F13A1: variants seen among roughly 807,000 people sequenced by gnomAD.
F13A1 encodes the protein FSF, A subunit.
Under a neutral mutation model 80.1 loss-of-function variants are expected in F13A1, and 47 were observed. The observed-to-expected ratio is 0.59, with a 90% confidence interval of 0.46 to 0.75. F13A1 has a LOEUF of 0.75. Among genes scored for constraint, F13A1 ranks in the 30% least tolerant of loss-of-function variants. F13A1 has a pLI of 0.00. For synonymous variants in F13A1, 349 were observed against 344.9 expected (o/e 1.01, Z -0.13); for missense variants, 817 against 930.4 (o/e 0.88, Z 1.59).
chr6:6,283,150 T>G (rs1212119053), intron 3 of F13A1, among the ~76,000 whole-genome samples: 2 of 152,204 alleles, frequency 1.3e-5, no homozygotes, highest in Non-Finnish European at 2.9e-5. Context: ...GACTTGATTT[T>G]AACATCAAGT....
At chr6:6,312,731 T>G (rs1336939554) in intron 2 of F13A1, among the ~76,000 whole-genome samples, 1 of 69,808 alleles carries the variant, frequency 1.4e-5, no homozygotes, top group Non-Finnish European at 2.7e-5. Flanking sequence ...AGAAAGACAT[T>G]TCATAAAAAA....
chr6:6,219,120 G>C (rs143805048), intron 8 of F13A1, among the ~76,000 whole-genome samples: 3 of 152,144 alleles, frequency 2.0e-5, no homozygotes, highest in African/African-American at 7.2e-5. Flanking sequence ...AACCAACCAG[G>C]AGCGGGGAAG....
intron 6 of F13A1, among the ~76,000 whole-genome samples, chr6:6,236,508 A>G (rs1757415635): frequency 6.6e-6 from 1 of 152,096 alleles, no homozygotes; most frequent in Non-Finnish European, 1.5e-5. Flanking sequence ...AAAATAAAGA[A>G]ATGTGACATT....
intron 8 of F13A1, among the ~76,000 whole-genome samples, chr6:6,198,750 A>C (rs541899735): frequency 4.6e-5 from 7 of 152,226 alleles, no homozygotes; most frequent in African/African-American, 1.7e-4. Context: ...AAGCTAATAC[A>C]TGTATTTCGA....
At chr6:6,226,609 A>G (rs546723105) in intron 6 of F13A1, among the ~76,000 whole-genome samples, 6 of 152,236 alleles carry the variant, frequency 3.9e-5, no homozygotes, top group Admixed American at 1.3e-4. Context: ...TGCTGTGTCT[A>G]GTTGTAGAGA....
At chr6:6,265,751 C>T (rs1442083902) in intron 4 of F13A1, among the ~76,000 whole-genome samples, 1 of 152,204 alleles carries the variant, frequency 6.6e-6, no homozygotes, top group Admixed American at 6.5e-5. Flanking sequence ...TTTAGATATA[C>T]AGACTTTCTG....
chr6:6,155,283 C>CATAG (rs1760453345), intron 13 of F13A1, among the ~76,000 whole-genome samples: 1 of 152,170 alleles, frequency 6.6e-6, no homozygotes, highest in Non-Finnish European at 1.5e-5. Flanking sequence ...ATTGGGCCAT[C>CATAG]ATAGATAGGC....
intron 8 of F13A1, among the ~76,000 whole-genome samples, chr6:6,207,384 T>A (rs1321262124): frequency 1.3e-5 from 2 of 152,200 alleles, no homozygotes; most frequent in African/African-American, 4.8e-5. Context: ...GCCCTATTCA[T>A]ATAATGTATA....
At chr6:6,227,208 A>G (rs1195271277) in intron 6 of F13A1, among the ~76,000 whole-genome samples, 1 of 152,242 alleles carries the variant, frequency 6.6e-6, no homozygotes, top group Non-Finnish European at 1.5e-5. Context: ...GGTATTTCCC[A>G]AGGAGGGTCC....
At chr6:6,242,147 C>T (rs1256494434) in intron 6 of F13A1, among the ~76,000 whole-genome samples, 1 of 152,196 alleles carries the variant, frequency 6.6e-6, no homozygotes, top group African/African-American at 2.4e-5. Context: ...TGTAGGATCA[C>T]AGATGCATGA....
At chr6:6,319,427 A>C (rs890443139) in intron 1 of F13A1, among the ~76,000 whole-genome samples, 2 of 152,188 alleles carry the variant, frequency 1.3e-5, no homozygotes, top group African/African-American at 4.8e-5. Flanking sequence ...AGGCTTAAGA[A>C]GTCAGGGTTG....
Position 6,250,948 on chromosome 6 carries a change from A to T in F13A1, c.572-19T>A. 6.6e-7 allele frequency: 1 copy of T among 1,505,030 alleles called. No individual in the cohort carries two copies. The highest frequency in any genetic ancestry group is 1.1e-5 in the South Asian group (1 of 89,034). 93.2% of individuals were successfully genotyped at this position (1,505,030 alleles called of 1,614,324 possible). On this transcript the variant is annotated intron_variant, in intron 4 of 14. Transcript: ENST00000264870. The surrounding 1 kb of genome is among the most constrained non-coding windows in gnomAD (Gnocchi z 4.2). ...GCATCATCTGCATCAGGGTTTAAAC[A>T]TAGTGACTATTACCAAACCAGACTG...
chr6:6,184,805 A>G (rs1761049638), intron 10 of F13A1, among the ~76,000 whole-genome samples: 1 of 152,202 alleles, frequency 6.6e-6, no homozygotes, highest in Non-Finnish European at 1.5e-5. Context: ...ACAGACCAAC[A>G]GCACTGTCCT....
At chr6:6,294,597 T>A (rs1177306817) in intron 3 of F13A1, among the ~76,000 whole-genome samples, 2 of 151,814 alleles carry the variant, frequency 1.3e-5, no homozygotes, top group Non-Finnish European at 2.9e-5. Flanking sequence ...CATATATATA[T>A]CCTATTAGGT....
chr6:6,233,652 A>T (rs1757379416), intron 6 of F13A1, among the ~76,000 whole-genome samples: 1 of 152,100 alleles, frequency 6.6e-6, no homozygotes, highest in Non-Finnish European at 1.5e-5. Flanking sequence ...CCAAAAAAGG[A>T]AACTACAGAC....
At chr6:6,218,406 C>T (rs142681557) in intron 8 of F13A1, among the ~76,000 whole-genome samples, 1 of 152,322 alleles carries the variant, frequency 6.6e-6, no homozygotes, top group East Asian at 1.9e-4. Context: ...CTTCATTAAA[C>T]TGTCCAGTGA....
intron 6 of F13A1, among the ~76,000 whole-genome samples, chr6:6,226,694 A>G (rs770037466): frequency 2.0e-5 from 3 of 152,188 alleles, no homozygotes; most frequent in Non-Finnish European, 4.4e-5. Flanking sequence ...GAGTTTTACC[A>G]AGTGTTAGCA....
rs914208545 is a variant in F13A1, at chr6:6,307,340, T to C, written c.131-1801A>G. Among the ~76,000 whole-genome samples, 37 of 152,232 alleles carry C rather than the reference T, an allele frequency of 2.4e-4. 1 individual carries two copies. The highest frequency in any genetic ancestry group is 2.4e-3 in the Admixed American group (36 of 15,292). On this transcript the variant is annotated intron_variant, in intron 2 of 14. Transcript: ENST00000264870. ...ATACATGTTCCCCTGAAGGGCACTT[T>C]CTTTCCATTATGCTGTGAGCTAAAG...
intron 8 of F13A1, among the ~76,000 whole-genome samples, chr6:6,216,872 T>C (rs1176412624): frequency 7.4e-5 from 11 of 149,064 alleles, no homozygotes; most frequent in South Asian, 6.5e-4. Context: ...GCAAAGGACA[T>C]GAACAGGCAC....
Sources: allele counts gnomAD v4.1 joint callset (sites outside exome capture counted in the v4.1 genomes callset), GRCh38; gene constraint gnomAD v4.1.1; non-coding constraint Gnocchi (gnomAD v3.1); transcripts MANE v1.5; gene names NCBI Gene and HGNC (gene_info 2026-07-23, HGNC 2026-07-21).